CPZ: variants seen among roughly 807,000 people sequenced by gnomAD.
The protein encoded by CPZ is carboxypeptidase Z, also known as VEZT/CPZ fusion.
In CPZ, 103 loss-of-function variants were observed where a neutral mutation model predicts 61.8. The observed-to-expected ratio is 1.67, with a 90% confidence interval of 1.42 to 1.96. The LOEUF is 1.96. Ranked by LOEUF, CPZ falls within the 30% of genes most tolerant of loss-of-function variation. The pLI, the probability that CPZ is intolerant of heterozygous loss-of-function variation, is 0.00. For missense variants in CPZ, 1,461 were observed against 914.9 expected, an observed-to-expected ratio of 1.60 and a Z score of -7.70; for synonymous variants, 551 against 373.7, an observed-to-expected ratio of 1.47 and a Z score of -5.47.
intron 9 of CPZ, among the ~76,000 whole-genome samples, chr4:8,617,593 T>C (rs1247562326): frequency 1.3e-5 from 2 of 152,246 alleles, no homozygotes; most frequent in African/African-American, 4.8e-5. Flanking sequence ...ATTTTCATAG[T>C]TTCTGGAAGC....
intron 7 of CPZ, 55 bp downstream of exon 7, chr4:8,607,480 T>A: frequency 3.2e-6 from 5 of 1,576,296 alleles, no homozygotes; most frequent in Non-Finnish European, 4.3e-6. Context: ...GCGGTCCCCT[T>A]GGAGCTGGTG....
At position 8,592,838 on chromosome 4, in the gene CPZ, CGCCCCCGCT is replaced by C. The variant is rs1713885512; in HGVS notation, c.9_17del (p.Pro4_Pro6del). On this transcript the variant is annotated inframe_deletion, in exon 1 of 11. Transcript: ENST00000360986. The stretch of plus-strand genomic sequence containing the variant: ...TCCAAGGTCCGCCGCCCCACCATGC[CGCCCCCGCT>C]GCCGCTGCTGCTCCTTACAGTCCTG... 4 of 1,474,116 alleles carry C rather than the reference CGCCCCCGCT, an allele frequency of 2.7e-6. No homozygotes were observed. The African/African-American group carries it at 5.8e-5, about 22-fold the overall frequency. The allele number at this position is 1,474,116 out of a possible 1,614,324, so 91.3% of individuals were successfully genotyped here.
At chr4:8,608,646 G>GTGTGTGTA (rs764702901) in intron 7 of CPZ, among the ~76,000 whole-genome samples, 1 of 151,514 alleles carries the variant, frequency 6.6e-6, no homozygotes. Flanking sequence ...GTGCACGTGT[G>GTGTGTGTA]TGCGTGTGCA....
chr4:8,612,221 G>GGGGGGGC, intron 8 of CPZ, 59 bp downstream of exon 8: 28 of 206,186 alleles, frequency 1.4e-4, no homozygotes, highest in East Asian at 3.2e-4. Context: ...GCTGGGTGGG[G>GGGGGGGC]CAGGGGCAAG....
intron 2 of CPZ, chr4:8,600,857 C>T (rs1714522906): frequency 9.2e-7 from 1 of 1,085,730 alleles, no homozygotes; most frequent in Non-Finnish European, 1.2e-6. Flanking sequence ...AGCTGCTTTG[C>T]AGATGGAGAC....
intron 8 of CPZ, among the ~76,000 whole-genome samples, chr4:8,613,643 C>G (rs1384298429): frequency 5.3e-5 from 8 of 152,194 alleles, no homozygotes; most frequent in Admixed American, 1.3e-4. Flanking sequence ...GTGCTATCAT[C>G]CTAGGCCTGC....
chr4:8,612,200 G>T (rs772671706), intron 8 of CPZ, 38 bp downstream of exon 8: 3 of 348,780 alleles, frequency 8.6e-6, no homozygotes, highest in Non-Finnish European at 1.4e-5. Context: ...CGGGGGGTGG[G>T]GGGTGCAGGG....
intron 7 of CPZ, among the ~76,000 whole-genome samples, chr4:8,608,525 T>G (rs1400251002): frequency 6.6e-6 from 1 of 152,078 alleles, no homozygotes; most frequent in East Asian, 1.9e-4. Context: ...GGGGCCATCA[T>G]TGGGAATGCA....
chr4:8,619,427 A>C lies in CPZ; in HGVS notation c.1769A>C (p.Asn590Thr). Residue 590 changes from asparagine to threonine, a missense_variant, in exon 11 of 11, where the codon AAC becomes ACC. Asn to Thr is a moderately conservative substitution (Grantham distance 65, BLOSUM62 0). Coordinates refer to ENST00000360986, the MANE Select transcript of CPZ (RefSeq NM_001014447.3). ...ILQPLGMGPK[N>T]FIHGLRRTGP... ...CAACCTCTGGGGATGGGACCCAAGAACTTTATTCATGGGCTGCGGAGGACT... is the reference window on the plus strand; with the variant it reads ...CAACCTCTGGGGATGGGACCCAAGACCTTTATTCATGGGCTGCGGAGGACT... 5 of 1,613,952 alleles carry C rather than the reference A, an allele frequency of 3.1e-6. No homozygotes were observed. Among genetic ancestry groups the C allele is most frequent in the Non-Finnish European group, 4.2e-6 (5 of 1,179,932 alleles).
rs771225809 is a variant in CPZ, at chr4:8,612,106, A to G, written c.1307A>G (p.Asn436Ser). ...AGGTCGGAGAATAGGTGTGGAGGCA[A>G]TTTCCTGAAGAGGGGGAGCATCATC... ...MDRSENRCGG[N>S]FLKRGSIING... Residue 436 changes from asparagine (N) to serine (S), a missense_variant, in exon 8 of 11, where the codon AAT (asparagine) becomes AGT (serine). Transcript: ENST00000360986. The G allele has an allele frequency of 5.7e-6, 9 of 1,581,720 alleles. No individual in the cohort carries two copies. Among genetic ancestry groups the G allele is most frequent in the South Asian group, 1.1e-5 (1 of 90,536 alleles).
At chr4:8,605,376 TCCATCATCCAC>T (rs1714875917) in intron 4 of CPZ, among the ~76,000 whole-genome samples, 1 of 127,260 alleles carries the variant, frequency 7.9e-6, no homozygotes, top group Non-Finnish European at 1.7e-5. Context: ...TACACATCCA[TCCATCATCCAC>T]CCATTCATTC....
At position 8,612,140 on chromosome 4, in the gene CPZ, G is replaced by T. The variant is rs2302573; in HGVS notation, c.1341G>T (p.Ala447=). The T allele has an allele frequency of 1.8e-5, 28 of 1,578,330 alleles. No homozygotes were observed. Among genetic ancestry groups the T allele is most frequent in the Non-Finnish European group, 2.2e-5 (26 of 1,160,834 alleles). Residue 447 remains alanine (A), a synonymous_variant, in exon 8 of 11, where the codon GCG becomes GCT. Coordinates refer to ENST00000360986, the MANE Select transcript of CPZ (RefSeq NM_001014447.3). ...AGAGGGGGAGCATCATCAACGGGGC[G>T]GACTGGTACAGCTTCACGGGAGGTG... ...FLKRGSIING[A]DWYSFTGGMS...
rs762508406 is a variant in CPZ, at chr4:8,607,310, T to A, written c.1112T>A (p.Ile371Lys). Residue 371 changes from isoleucine (I) to lysine (K), a missense_variant, in exon 7 of 11, where the codon ATA (isoleucine) becomes AAA (lysine). Physicochemically the swap from Ile to Lys is moderately radical, Grantham distance 102 (BLOSUM62 -3). Transcript: ENST00000360986. ...GCAATCATGAAGTGGATGCAGACCATACCCTTTGTGCTCTCAGCCAGCCTT... is the reference window on the plus strand; with the variant it reads ...GCAATCATGAAGTGGATGCAGACCAAACCCTTTGTGCTCTCAGCCAGCCTT... ...TKAIMKWMQT[I>K]PFVLSASLHG... 6.2e-7 allele frequency: 1 copy of A among 1,613,990 alleles called. No individual in the cohort carries two copies. The highest frequency in any genetic ancestry group is 1.3e-5 in the African/African-American group (1 of 74,924).
At chr4:8,619,090 G>A (rs1577133010) in intron 10 of CPZ, among the ~76,000 whole-genome samples, 172 bp from the exon 11 acceptor site, 1 of 152,224 alleles carries the variant, frequency 6.6e-6, no homozygotes, top group South Asian at 2.1e-4. Flanking sequence ...GTATAAATAA[G>A]AGTTTGACAG....
chr4:8,616,556 A>C (rs1456941274), intron 9 of CPZ, among the ~76,000 whole-genome samples: 4 of 151,982 alleles, frequency 2.6e-5, no homozygotes. Context: ...GTCATCAGGG[A>C]GGGCTTCCTG....
intron 1 of CPZ, chr4:8,597,320 T>C (rs986569616): frequency 8.6e-5 from 13 of 151,932 alleles, no homozygotes; most frequent in African/African-American, 3.1e-4. Flanking sequence ...GACAGGGGGG[T>C]GAGGGCACAG....
rs367944268 is a variant in CPZ, at chr4:8,604,297, T to C, written c.709+109T>C. The C allele has an allele frequency of 5.8e-5, 63 of 1,093,674 alleles. No individual in the cohort carries two copies. The East Asian group carries it at 6.8e-4, about 12-fold the overall frequency. The allele number at this position is 1,093,674 out of a possible 1,614,324, so 67.7% of individuals were successfully genotyped here. On this transcript the variant is annotated intron_variant, in intron 4 of 10. Transcript: ENST00000360986. ...GGGTGTTTGGGGTCCTGGGCAGAGC[T>C]GGGGGCCTCAGGGAGCTGCTTGGTG...
intron 8 of CPZ, among the ~76,000 whole-genome samples, chr4:8,612,454 G>C (rs1327927303): frequency 6.6e-6 from 1 of 152,190 alleles, no homozygotes; most frequent in Non-Finnish European, 1.5e-5. Flanking sequence ...GTGACATTAG[G>C]GAAGTGGAGT....
intron 9 of CPZ, among the ~76,000 whole-genome samples, chr4:8,615,493 G>A (rs1716087400): frequency 6.6e-6 from 1 of 152,256 alleles, no homozygotes; most frequent in Non-Finnish European, 1.5e-5. Context: ...GCCTCAGAAA[G>A]AGGGTTGAGC....
Sources: gnomAD v4.1 joint callset for allele counts (sites outside exome capture counted in the v4.1 genomes callset) on GRCh38, gnomAD v4.1.1 for gene constraint, MANE v1.5 for transcripts, NCBI Gene and HGNC (gene_info 2026-07-23, HGNC 2026-07-21) for gene names.